The following MYLK variants were observed in gnomAD, a reference collection of about 807,000 sequenced individuals.
The protein encoded by MYLK is myosin light chain kinase.
MYLK carries 106 observed loss-of-function variants against 203.4 expected under a neutral mutation model. The ratio of observed to expected loss-of-function variants is 0.52; its 90% CI spans 0.45 to 0.61. The LOEUF (loss-of-function observed/expected upper bound fraction) is 0.61. Among genes scored for constraint, MYLK ranks in the 20% least tolerant of loss-of-function variants. The pLI is 0.00. For synonymous variants in MYLK, 867 were observed against 959.5 expected (o/e 0.90, Z 1.78); for missense variants, 2,072 against 2,442.3 (o/e 0.85, Z 3.20).
At chr3:123,852,677 C>A (rs1014753806) in intron 2 of MYLK, among the ~76,000 whole-genome samples, 1 of 152,022 alleles carries the variant, frequency 6.6e-6, no homozygotes, top group Non-Finnish European at 1.5e-5. Flanking sequence ...TTTCAAAAAA[C>A]CAGCTCCTGA....
chr3:123,688,027 C>T lies in MYLK; in HGVS notation c.3565+4708G>A, dbSNP rs1421175749. On this transcript the variant is annotated intron_variant, in intron 19 of 33. Transcript: ENST00000360304. ...TTCTTAGCATTTGGTTTCTGGGACA[C>T]CCCCATCTCCTGGGTTTCTTCCCAT... Among the ~76,000 whole-genome samples the T allele has an allele frequency of 2.6e-5, 4 of 152,096 alleles. No individual in the cohort carries two copies. The East Asian group carries it at 7.7e-4, about 29-fold the overall frequency.
At chr3:123,783,831 A>G (rs1019331045) in intron 4 of MYLK, among the ~76,000 whole-genome samples, 5 of 152,012 alleles carry the variant, frequency 3.3e-5, no homozygotes, top group African/African-American at 1.2e-4. Context: ...TTGATTTAAG[A>G]ATTTAGACAG....
intron 24 of MYLK, among the ~76,000 whole-genome samples, chr3:123,650,053 T>A (rs1025180701): frequency 2.6e-5 from 4 of 152,036 alleles, no homozygotes; most frequent in African/African-American, 9.7e-5. Flanking sequence ...CAGGAGGGGT[T>A]CCCCGGAACA....
intron 3 of MYLK, among the ~76,000 whole-genome samples, chr3:123,797,431 T>C (rs957358653): frequency 6.6e-6 from 1 of 152,078 alleles, no homozygotes; most frequent in Non-Finnish European, 1.5e-5. Flanking sequence ...GTGTTGTTGT[T>C]TGTGTGGCGA....
At chr3:123,633,332 G>T (rs528688150) in intron 29 of MYLK, among the ~76,000 whole-genome samples, 2 of 152,040 alleles carry the variant, frequency 1.3e-5, no homozygotes, top group South Asian at 4.2e-4. Context: ...TTGCCATGTT[G>T]CCCAGGCTGG....
rs2108271995 is a variant in MYLK, at chr3:123,657,131, G to A, written c.4283C>T (p.Pro1428Leu). 6.2e-7 allele frequency: 1 copy of A among 1,614,150 alleles called. No homozygotes were observed. The highest frequency in any genetic ancestry group is 8.5e-7 in the Non-Finnish European group (1 of 1,180,032). ...ESELTTVGEK[P>L]EEPKDEVEVS... is the part of the protein sequence containing the mutation. Reference sequence around the variant, plus strand: ...ATGAAGTGATGGCAGCCTACCTTCAGGTTTCTCTCCTACCGTTGTGAGTTC... The same window carrying A: ...ATGAAGTGATGGCAGCCTACCTTCAAGTTTCTCTCCTACCGTTGTGAGTTC... The change falls in exon 24 of 34, where the codon CCT (proline) becomes CTT (leucine). Residue 1428 changes from proline (P) to leucine (L), a missense_variant. By Grantham distance (98) the Pro-to-Leu change is moderately conservative. Around this residue, in one of 3 missense-constraint regions of MYLK, gnomAD observed 524 missense variants for 782.4 expected, o/e 0.67. Coordinates refer to ENST00000360304, the MANE Select transcript of MYLK (RefSeq NM_053025.4).
At chr3:123,731,105 T>C (rs919497750) in intron 11 of MYLK, among the ~76,000 whole-genome samples, 5 of 152,118 alleles carry the variant, frequency 3.3e-5, no homozygotes, top group Non-Finnish European at 7.4e-5. Flanking sequence ...TGACACCATA[T>C]TTCTGTCCCC....
At chr3:123,730,079 A>G (rs2062424074) in intron 11 of MYLK, among the ~76,000 whole-genome samples, 1 of 152,096 alleles carries the variant, frequency 6.6e-6, no homozygotes. Flanking sequence ...AATAAAAAAA[A>G]TTAGCCGAGT....
chr3:123,837,507 C>T (rs1254046342), intron 2 of MYLK, among the ~76,000 whole-genome samples: 3 of 146,990 alleles, frequency 2.0e-5, no homozygotes, highest in Admixed American at 6.8e-5. Context: ...ATATATATTA[C>T]ATATAATATA....
At chr3:123,678,323 C>T (rs927758591) in intron 20 of MYLK, among the ~76,000 whole-genome samples, 1 of 152,036 alleles carries the variant, frequency 6.6e-6, no homozygotes, top group African/African-American at 2.4e-5. Context: ...AACCACATTC[C>T]TCTCCTCCTC....
At chr3:123,784,864 A>G (rs985120121) in intron 4 of MYLK, among the ~76,000 whole-genome samples, 2 of 152,178 alleles carry the variant, frequency 1.3e-5, no homozygotes, top group Non-Finnish European at 2.9e-5. Flanking sequence ...GGGAATGTCT[A>G]TTAGCAGGCT....
intron 24 of MYLK, among the ~76,000 whole-genome samples, chr3:123,654,713 CTTTTTTTT>C (rs1201129769): frequency 8.0e-6 from 1 of 125,286 alleles, no homozygotes; most frequent in African/African-American, 3.3e-5. Flanking sequence ...TTCTTTAATT[CTTTTTTTT>C]TTTTTTTTTT....
chr3:123,820,638 CCTTCCCTCCTTCCT>C (rs1349042977), intron 3 of MYLK, among the ~76,000 whole-genome samples: 4 of 122,580 alleles, frequency 3.3e-5, no homozygotes, highest in East Asian at 3.2e-4. Context: ...TTCCTTCCTT[CCTTCCCTCCTTCCT>C]TCCTTCCTTC....
intron 4 of MYLK, among the ~76,000 whole-genome samples, chr3:123,791,291 C>T (rs1326481133): frequency 1.3e-5 from 2 of 152,186 alleles, no homozygotes; most frequent in Non-Finnish European, 2.9e-5. Context: ...AAAACCCATG[C>T]CACCTCAGGC....
At chr3:123,865,395 T>C (rs1348207849) in intron 2 of MYLK, among the ~76,000 whole-genome samples, 1 of 152,210 alleles carries the variant, frequency 6.6e-6, no homozygotes, top group Non-Finnish European at 1.5e-5. Flanking sequence ...AGAATATGAA[T>C]GGAAACTGGT....
At chr3:123,771,870 A>G (rs1352282592) in intron 4 of MYLK, among the ~76,000 whole-genome samples, 2 of 152,232 alleles carry the variant, frequency 1.3e-5, no homozygotes, top group Non-Finnish European at 2.9e-5. Context: ...ACTGAAAGTG[A>G]AAAACAATAG....
At position 123,700,572 on chromosome 3, in the gene MYLK, G is replaced by A. The variant is rs1187956742; in HGVS notation, c.2896C>T (p.Pro966Ser). The change falls in exon 18 of 34, where the codon CCC becomes TCC. Residue 966 changes from proline to serine, a missense_variant. Pro to Ser is a moderately conservative substitution (Grantham distance 74, BLOSUM62 -1). This residue lies in a region of MYLK where 865 missense variants were observed against 1,016.0 expected (regional missense o/e 0.85). Transcript: ENST00000360304. Reference sequence around the variant, plus strand: ...GGCGGTGGCACCTTCTCAGGCACGGGGGTCTTGGAAGTCCCCTTCTTGGCC... The same window carrying A: ...GGCGGTGGCACCTTCTCAGGCACGGAGGTCTTGGAAGTCCCCTTCTTGGCC... ...VLAKKGTSKT[P>S]VPEKVPPPKP... 4 of 1,613,652 alleles carry A rather than the reference G, an allele frequency of 2.5e-6. No homozygotes were observed. In the South Asian group the frequency reaches 4.4e-5, roughly 18 times the overall value.
chr3:123,813,772 A>C (rs1163405124), intron 3 of MYLK, among the ~76,000 whole-genome samples: 1 of 152,058 alleles, frequency 6.6e-6, no homozygotes, highest in Non-Finnish European at 1.5e-5. Flanking sequence ...TAGCCTCCCA[A>C]AGTGCTGGGA....
intron 20 of MYLK, among the ~76,000 whole-genome samples, chr3:123,672,890 C>T (rs552726714): frequency 5.9e-5 from 9 of 152,226 alleles, no homozygotes; most frequent in East Asian, 3.9e-4. Context: ...TTCTAAAACC[C>T]GGTTTCTCAG....
Sources: gnomAD v4.1 joint callset for allele counts (sites outside exome capture counted in the v4.1 genomes callset) on GRCh38, gnomAD v4.1.1 for gene constraint, gnomAD v4.1.1 regional missense constraint, MANE v1.5 for transcripts, NCBI Gene and HGNC (gene_info 2026-07-23, HGNC 2026-07-21) for gene names.